The following TMF1 variants were observed in gnomAD, a reference collection of about 807,000 sequenced individuals.
The protein encoded by TMF1 is TATA element modulatory factor 1.
TMF1 carries 71 observed loss-of-function variants against 126.5 expected under a neutral mutation model. The ratio of observed to expected loss-of-function variants is 0.56; its 90% CI spans 0.46 to 0.68. The LOEUF (loss-of-function observed/expected upper bound fraction) is 0.68, where lower values mean the gene tolerates loss of function less well. Among genes scored for constraint, TMF1 ranks in the 30% least tolerant of loss-of-function variants. The pLI is 0.00. For synonymous variants in TMF1, 461 were observed against 430.5 expected (o/e 1.07, Z -0.88); for missense variants, 1,259 against 1,253.2 (o/e 1.00, Z -0.07).
intron 9 of TMF1, 153 bp from the exon 10 acceptor site, chr3:69,033,857 G>A (rs1353829330): frequency 1.5e-6 from 1 of 678,112 alleles, no homozygotes; most frequent in South Asian, 2.3e-5. Flanking sequence ...TAGAAACGGG[G>A]TCCCGCTCTG....
rs1204907638 is a variant in TMF1 at position 69,036,500 on chromosome 3, A to G, written c.2152-1385T>C. ...GAAATAGGTGTATAAGCGAATGTGT[A>G]TGTACGCAGAACATGTAAGTATATA... On this transcript the variant is annotated intron_variant, in intron 8 of 16. Coordinates refer to ENST00000398559, the MANE Select transcript of TMF1 (RefSeq NM_007114.3). 2.0e-5 allele frequency among the ~76,000 whole-genome samples: 3 copies of G among 152,336 alleles called. No individual in the cohort carries two copies. In the East Asian group the frequency reaches 5.8e-4, roughly 29 times the overall value.
At chr3:69,033,412 G>C (rs917009678) in intron 10 of TMF1, 136 bp downstream of exon 10, 8 of 1,028,950 alleles carry the variant, frequency 7.8e-6, no homozygotes, top group Admixed American at 3.4e-5. Flanking sequence ...TAGAAAAAGA[G>C]AAAATGTAAA....
At chr3:69,028,723 GT>G (rs11338290) in intron 11 of TMF1, among the ~76,000 whole-genome samples, 117,365 of 152,044 alleles carry the variant, frequency 0.77, 45,390 homozygotes, top group Admixed American at 0.83. Flanking sequence ...AGAACAGAGG[GT>G]TAAAAAATAC....
chr3:69,038,331 A>G (rs1277082565), intron 8 of TMF1, among the ~76,000 whole-genome samples: 2 of 152,170 alleles, frequency 1.3e-5, no homozygotes, highest in Non-Finnish European at 2.9e-5. Flanking sequence ...CCTAGCTTTT[A>G]TAATACTCTC....
chr3:69,024,339 A>G, intron 15 of TMF1, 159 bp from the exon 16 acceptor site: 1 of 579,684 alleles, frequency 1.7e-6, no homozygotes, highest in Non-Finnish European at 2.7e-6. Context: ...AGTAAAGGAA[A>G]CAGTGGCAGA....
chr3:69,026,926 TTAAA>T (rs1405249682), intron 13 of TMF1, among the ~76,000 whole-genome samples: 3 of 152,184 alleles, frequency 2.0e-5, no homozygotes, highest in African/African-American at 7.2e-5. Flanking sequence ...TATCGGTAGT[TTAAA>T]TATATTATGC....
At chr3:69,038,764 A>C (rs1347195510) in intron 7 of TMF1, 44 bp from the exon 8 acceptor site, 6 of 1,591,392 alleles carry the variant, frequency 3.8e-6, no homozygotes, top group Non-Finnish European at 5.1e-6. Context: ...CAGTGATCAG[A>C]TAATAGAAAA....
rs954901493 is a variant in TMF1, at chr3:69,038,708, A to G, written c.2007T>C (p.Asp669=). 1 of 1,608,842 alleles carries G rather than the reference A, an allele frequency of 6.2e-7. No individual in the cohort carries two copies. Residue 669 remains aspartate (D), a synonymous_variant, in exon 8 of 17, where the codon GAT becomes GAC. Transcript: ENST00000398559. ...CCTTTGCAGCATTGGCTTTGTGAAG[A>G]TCAGTAAGTTCTCTTAAAAAATTAG... ...ALDSAYKELT[D]LHKANAAKDS...
At position 69,051,976 on chromosome 3, in the gene TMF1, G is replaced by C; in HGVS notation, c.111C>G (p.Ile37Met). Residue 37 changes from isoleucine to methionine, a missense_variant, in exon 1 of 17, where the codon ATC becomes ATG. By Grantham distance (10) the Ile-to-Met change is conservative. Coordinates refer to ENST00000398559, the MANE Select transcript of TMF1 (RefSeq NM_007114.3). ...VLDIQEEEPS[I>M]WAETIPYGEP... ...CTCCATACGGAATGGTCTCGGCCCA[G>C]ATGCTCGGCTCCTCTTCCTGGATGT... The C allele has an allele frequency of 5.0e-6, 8 of 1,614,002 alleles. No individual in the cohort carries two copies. The highest frequency in any genetic ancestry group is 6.8e-6 in the Non-Finnish European group (8 of 1,179,940).
intron 1 of TMF1, among the ~76,000 whole-genome samples, chr3:69,050,708 A>G (rs1223816654): frequency 6.6e-6 from 1 of 152,250 alleles, no homozygotes; most frequent in Non-Finnish European, 1.5e-5. Flanking sequence ...AAAAGTAAAG[A>G]GGATCATCAC....
At chr3:69,023,571 T>A (rs1216143703) in intron 16 of TMF1, among the ~76,000 whole-genome samples, 2 of 152,112 alleles carry the variant, frequency 1.3e-5, no homozygotes, top group African/African-American at 4.8e-5. Flanking sequence ...ATTCTCCCCA[T>A]ATATGACTTC....
At chr3:69,046,303 T>TAA (rs34956334) in intron 2 of TMF1, among the ~76,000 whole-genome samples, 118,902 of 151,900 alleles carry the variant, frequency 0.78, 46,637 homozygotes, top group Admixed American at 0.84. Context: ...CTCAAAAAAA[T>TAA]AGTCTTACCT....
intron 2 of TMF1, among the ~76,000 whole-genome samples, chr3:69,045,107 G>GT (rs2091888222): frequency 6.6e-6 from 1 of 152,172 alleles, no homozygotes; most frequent in Admixed American, 6.5e-5. Flanking sequence ...TCTATTTTCT[G>GT]TATTATTCTT....
At chr3:69,034,218 A>C (rs936107743) in intron 9 of TMF1, among the ~76,000 whole-genome samples, 3 of 152,168 alleles carry the variant, frequency 2.0e-5, no homozygotes, top group African/African-American at 7.2e-5. Flanking sequence ...CATGTGTGTA[A>C]TCCCAGCACT....
Position 69,028,234 on chromosome 3 carries a change from T to A in TMF1, c.2656A>T (p.Lys886Ter). The A allele has an allele frequency of 6.2e-7, 1 of 1,612,950 alleles. No homozygotes were observed. Among genetic ancestry groups the A allele is most frequent in the South Asian group, 1.1e-5 (1 of 91,042 alleles). ...GTCACGAAGAGAAATACCTTTTCTTTCCTCGTCTCTTCAAGTGTTCTTACA... is the reference window on the plus strand; with the variant it reads ...GTCACGAAGAGAAATACCTTTTCTTACCTCGTCTCTTCAAGTGTTCTTACA... ...EYVRTLEETR[K>*]EKTLLNSQLE... The change falls in exon 12 of 17, where the codon AAA becomes TAA. Residue 886 changes from lysine (K) to a stop codon, truncating the protein, a stop_gained. Coordinates refer to ENST00000398559, the MANE Select transcript of TMF1 (RefSeq NM_007114.3). LOFTEE classifies it high-confidence loss of function.
At position 69,051,927 on chromosome 3, in the gene TMF1, C is replaced by A; in HGVS notation, c.142+18G>T. 1 of 1,610,332 alleles carries A rather than the reference C, an allele frequency of 6.2e-7. No homozygotes were observed. Among genetic ancestry groups the A allele is most frequent in the Non-Finnish European group, 8.5e-7 (1 of 1,178,212 alleles). ...AGCAGCCTCCGGGAGCCAGGAACCC[C>A]GCTCCTCTCTCTCTTACCCGGCTCT... is the stretch of plus-strand genomic sequence containing the variant. On this transcript the variant is annotated intron_variant, in intron 1 of 16. Coordinates refer to ENST00000398559, the MANE Select transcript of TMF1 (RefSeq NM_007114.3).
intron 5 of TMF1, chr3:69,042,435 A>G (rs2091871996): frequency 6.5e-6 from 3 of 462,086 alleles, no homozygotes; most frequent in Non-Finnish European, 1.3e-5. Flanking sequence ...GAAAAAGACA[A>G]TATCATACAG....
chr3:69,047,304 T>C, intron 2 of TMF1, 54 bp downstream of exon 2: 1 of 1,491,650 alleles, frequency 6.7e-7, no homozygotes, highest in Non-Finnish European at 8.9e-7. Context: ...TTAAAACAAA[T>C]GATTTAATCT....
At chr3:69,036,962 G>A (rs999247339) in intron 8 of TMF1, among the ~76,000 whole-genome samples, 1 of 151,232 alleles carries the variant, frequency 6.6e-6, no homozygotes, top group Non-Finnish European at 1.5e-5. Context: ...TGGCATCAAA[G>A]GACACTATCA....
Sources: allele counts gnomAD v4.1 joint callset (sites outside exome capture counted in the v4.1 genomes callset), GRCh38; gene constraint gnomAD v4.1.1; transcripts MANE v1.5; gene names NCBI Gene and HGNC (gene_info 2026-07-23, HGNC 2026-07-21).